ADAMTS17: variants seen among roughly 807,000 people sequenced by gnomAD.
The protein encoded by ADAMTS17 is ADAM metallopeptidase with thrombospondin type 1 motif 17.
A neutral mutation model predicts 141.5 loss-of-function variants in ADAMTS17; 113 were observed. The ratio of observed to expected loss-of-function variants is 0.80; its 90% CI spans 0.69 to 0.93. ADAMTS17 has a LOEUF of 0.93. ADAMTS17 is among the 40% of genes least tolerant of loss of function. ADAMTS17 has a pLI of 0.00. For missense variants in ADAMTS17, 1,659 were observed against 1,517.9 expected, an observed-to-expected ratio of 1.09 and a Z score of -1.54; for synonymous variants, 768 against 630.6, an observed-to-expected ratio of 1.22 and a Z score of -3.27.
intron 7 of ADAMTS17, among the ~76,000 whole-genome samples, chr15:100,221,986 GCA>G (rs1248690603): frequency 6.6e-6 from 1 of 152,126 alleles, no homozygotes; most frequent in African/African-American, 2.4e-5. Flanking sequence ...TCACACAGAG[GCA>G]CACAGTCTGT....
In ADAMTS17 at chr15:100,326,814, G is replaced by A. The variant is rs7182740; in HGVS notation, c.616+4075C>T. Among the ~76,000 whole-genome samples, 1,122 of 152,270 alleles carry A rather than the reference G, an allele frequency of 7.4e-3. 13 individuals carry two copies. The highest frequency in any genetic ancestry group is 0.025 in the African/African-American group (1,046 of 41,554). On this transcript the variant is annotated intron_variant, in intron 3 of 21. Transcript: ENST00000268070. Reference sequence around the variant, plus strand: ...CCCCCTCATCCTAATTAAAAAGAAGGGTTGACCTCATCCTAGCTGCCTCTT... The same window carrying A: ...CCCCCTCATCCTAATTAAAAAGAAGAGTTGACCTCATCCTAGCTGCCTCTT...
At chr15:100,318,820 T>C (rs1262732152) in intron 3 of ADAMTS17, among the ~76,000 whole-genome samples, 1 of 152,192 alleles carries the variant, frequency 6.6e-6, no homozygotes, top group East Asian at 1.9e-4. Context: ...AGGGCCAATG[T>C]TAACCTACAA....
chr15:100,074,382 A>C (rs968265801), intron 15 of ADAMTS17, among the ~76,000 whole-genome samples: 2 of 140,060 alleles, frequency 1.4e-5, no homozygotes, highest in Non-Finnish European at 3.3e-5. Flanking sequence ...TTTATGCATA[A>C]TATAATCATA....
intron 8 of ADAMTS17, among the ~76,000 whole-genome samples, chr15:100,172,888 C>T (rs956349920): frequency 1.5e-4 from 23 of 152,160 alleles, no homozygotes; most frequent in East Asian, 1.9e-4. Flanking sequence ...CTTGAGGTAC[C>T]GAGGAACAAG....
At chr15:100,167,396 A>C (rs2039991587) in intron 8 of ADAMTS17, among the ~76,000 whole-genome samples, 1 of 152,140 alleles carries the variant, frequency 6.6e-6, no homozygotes, top group Admixed American at 6.5e-5. Flanking sequence ...TCTTCACGTG[A>C]TCTTAATTTA....
intron 13 of ADAMTS17, among the ~76,000 whole-genome samples, chr15:100,114,094 G>A (rs2036960752): frequency 6.6e-6 from 1 of 151,928 alleles, no homozygotes; most frequent in Non-Finnish European, 1.5e-5. Flanking sequence ...TCTTTTGGAG[G>A]TGGGATGGAT....
At position 99,993,005 on chromosome 15, in the gene ADAMTS17, C is replaced by G. The variant is rs574142377; in HGVS notation, c.2949+43G>C. 1.6e-5 allele frequency: 26 copies of G among 1,613,226 alleles called. No individual in the cohort carries two copies. The South Asian group carries it at 2.5e-4, about 16-fold the overall frequency. Reference sequence around the variant, plus strand: ...GCTGAGTTCCCGACCCTCGAGCCCCCTGCACTGCGGCACGGAGAGAAATGC... The same window carrying G: ...GCTGAGTTCCCGACCCTCGAGCCCCGTGCACTGCGGCACGGAGAGAAATGC... On this transcript the variant is annotated intron_variant, in intron 20 of 21. Transcript: ENST00000268070. This position sits in a 1 kb window ranked among gnomAD's most constrained non-coding sequence, Gnocchi z 4.3.
intron 3 of ADAMTS17, among the ~76,000 whole-genome samples, chr15:100,314,213 G>C (rs555736146): frequency 1.3e-5 from 2 of 152,356 alleles, no homozygotes; most frequent in South Asian, 2.1e-4. Flanking sequence ...AGACTCGGAA[G>C]ACATGACAGC....
At chr15:100,090,549 T>G (rs1021634332) in intron 15 of ADAMTS17, among the ~76,000 whole-genome samples, 4 of 152,108 alleles carry the variant, frequency 2.6e-5, no homozygotes, top group Non-Finnish European at 5.9e-5. Flanking sequence ...AAGACATCCG[T>G]TTTCTGTCTT....
intron 7 of ADAMTS17, among the ~76,000 whole-genome samples, chr15:100,209,371 C>T (rs1369373998): frequency 2.6e-5 from 4 of 152,146 alleles, no homozygotes; most frequent in African/African-American, 4.8e-5. Context: ...TCCTGAACGC[C>T]AGCTCCTGAG....
rs200809930 is a variant in ADAMTS17, at chr15:100,158,746, T to C, written c.1182-3426A>G. Among the ~76,000 whole-genome samples the C allele has an allele frequency of 2.6e-5, 4 of 152,320 alleles. No homozygotes were observed. The East Asian group carries it at 5.8e-4, about 22-fold the overall frequency. On this transcript the variant is annotated intron_variant, in intron 8 of 21. Transcript: ENST00000268070. Reference sequence around the variant, plus strand: ...TAAAGTAACGGATTAAGTTTTAAAATATATATGAAGCTCCTACAACTCAAT... The same window carrying C: ...TAAAGTAACGGATTAAGTTTTAAAACATATATGAAGCTCCTACAACTCAAT...
chr15:100,160,227 G>C (rs909280493), intron 8 of ADAMTS17, among the ~76,000 whole-genome samples: 4 of 152,222 alleles, frequency 2.6e-5, no homozygotes, highest in Non-Finnish European at 4.4e-5. Context: ...GCCAGGATCA[G>C]AGGCATCTCC....
At chr15:100,223,805 ATGTG>A (rs540172120) in intron 7 of ADAMTS17, among the ~76,000 whole-genome samples, 5 of 151,384 alleles carry the variant, frequency 3.3e-5, no homozygotes, top group African/African-American at 9.7e-5. Flanking sequence ...GTGTATATAT[ATGTG>A]TGTGTGTGTA....
intron 3 of ADAMTS17, among the ~76,000 whole-genome samples, chr15:100,286,573 A>C (rs760363959): frequency 5.3e-5 from 8 of 152,214 alleles, no homozygotes; most frequent in Non-Finnish European, 1.2e-4. Flanking sequence ...GCTGAGCCTT[A>C]GCCCTCTGAA....
chr15:100,284,884 G>A (rs1483847852), intron 3 of ADAMTS17, among the ~76,000 whole-genome samples: 1 of 152,346 alleles, frequency 6.6e-6, no homozygotes, highest in South Asian at 2.1e-4. Context: ...TCAAAGTGCA[G>A]GTGGGTGGGC....
At chr15:100,148,860 G>A (rs181871600) in intron 10 of ADAMTS17, among the ~76,000 whole-genome samples, 6 of 152,046 alleles carry the variant, frequency 3.9e-5, no homozygotes, top group East Asian at 1.9e-4. Flanking sequence ...AAAAGGTGAC[G>A]GAATTAGTCA....
At chr15:100,158,521 T>G (rs1440162748) in intron 8 of ADAMTS17, among the ~76,000 whole-genome samples, 2 of 152,156 alleles carry the variant, frequency 1.3e-5, no homozygotes, top group African/African-American at 4.8e-5. Context: ...CGGACTACAA[T>G]TGCAATGCTG....
chr15:100,063,845 C>A, intron 15 of ADAMTS17: 4 of 945,416 alleles, frequency 4.2e-6, no homozygotes, highest in Non-Finnish European at 5.9e-6. Flanking sequence ...AATCTAGCTA[C>A]CAAGCCCCCC....
chr15:100,101,000 T>A (rs1596428397), intron 14 of ADAMTS17, among the ~76,000 whole-genome samples: 1 of 152,092 alleles, frequency 6.6e-6, no homozygotes, highest in Admixed American at 6.6e-5. Flanking sequence ...TTTCCTGGGA[T>A]CTACTTGAGT....
Sources: allele counts gnomAD v4.1 joint callset (sites outside exome capture counted in the v4.1 genomes callset), GRCh38; gene constraint gnomAD v4.1.1; non-coding constraint Gnocchi (gnomAD v3.1); transcripts MANE v1.5; gene names NCBI Gene and HGNC (gene_info 2026-07-23, HGNC 2026-07-21).